Variants in IBTK observed in about 807,000 individuals in gnomAD.
IBTK encodes the protein inhibitor of Bruton tyrosine kinase.
Under a neutral mutation model 154.9 loss-of-function variants are expected in IBTK, and 83 were observed. The observed-to-expected ratio is 0.54, with a 90% CI of 0.45 to 0.64. The LOEUF (loss-of-function observed/expected upper bound fraction) is 0.64. Among genes scored for constraint, IBTK ranks in the 30% least tolerant of loss-of-function variants. The probability of loss-of-function intolerance (pLI) is 0.00; values close to 1 mark genes in which losing one functional copy is unlikely to be tolerated. For synonymous variants in IBTK, 515 were observed against 536.1 expected, an observed-to-expected ratio of 0.96 and a Z score of 0.54; for missense variants, 1,332 against 1,584.6, an observed-to-expected ratio of 0.84 and a Z score of 2.71.
chr6:82,194,418 T>C, intron 23 of IBTK, 61 bp downstream of exon 23: 3 of 1,080,794 alleles, frequency 2.8e-6, no homozygotes, highest in Non-Finnish European at 1.3e-6. Context: ...AAAATTAAAT[T>C]GCATTAAAAA....
chr6:82,211,614 C>G, intron 13 of IBTK, 42 bp from the exon 14 acceptor site: 1 of 1,486,776 alleles, frequency 6.7e-7, no homozygotes, highest in Non-Finnish European at 9.4e-7. Flanking sequence ...AATTTCTTTA[C>G]ATATTTAGTG....
chr6:82,202,127 G>A lies in IBTK; in HGVS notation c.2729+401C>T, dbSNP rs571935992. Among the ~76,000 whole-genome samples, 9 of 152,084 alleles carry A rather than the reference G, an allele frequency of 5.9e-5. No individual in the cohort carries two copies. The East Asian group carries it at 7.7e-4, about 13-fold the overall frequency. On this transcript the variant is annotated intron_variant, in intron 18 of 28. Coordinates refer to ENST00000306270, the MANE Select transcript of IBTK (RefSeq NM_015525.4). Reference sequence around the variant, plus strand: ...ATCTATGTAATGCTTTTAGAACACCGTCTAGCACATAGTTAATAGTCATTA... The same window carrying A: ...ATCTATGTAATGCTTTTAGAACACCATCTAGCACATAGTTAATAGTCATTA...
intron 16 of IBTK, among the ~76,000 whole-genome samples, chr6:82,208,868 T>C (rs1282437234): frequency 6.6e-6 from 1 of 151,950 alleles, no homozygotes; most frequent in Non-Finnish European, 1.5e-5. Context: ...ATCCAGAATA[T>C]ATAAAGAACT....
In IBTK at chr6:82,171,388, C is replaced by G. The variant is rs1376578229; in HGVS notation, c.*37G>C. On this transcript the variant is annotated 3_prime_UTR_variant, in exon 29 of 29. Transcript: ENST00000306270. ...CAGCTTTTCTTTATATGAACAAACTCATAATTATGTAAAATGCATCTCAAC... is the reference window on the plus strand; with the variant it reads ...CAGCTTTTCTTTATATGAACAAACTGATAATTATGTAAAATGCATCTCAAC... 7 of 1,575,580 alleles carry G rather than the reference C, an allele frequency of 4.4e-6. No homozygotes were observed. In the African/African-American group the frequency reaches 9.5e-5, roughly 21 times the overall value.
intron 16 of IBTK, among the ~76,000 whole-genome samples, chr6:82,207,324 T>A (rs779558367): frequency 3.3e-5 from 5 of 152,094 alleles, no homozygotes; most frequent in Non-Finnish European, 7.4e-5. Context: ...ATTAAAAAAA[T>A]TTCCATTTAA....
intron 26 of IBTK, among the ~76,000 whole-genome samples, chr6:82,175,943 C>T (rs1160415257): frequency 6.6e-6 from 1 of 151,800 alleles, no homozygotes; most frequent in Non-Finnish European, 1.5e-5. Context: ...GCAGGAGAAT[C>T]GCTTGAACCC....
chr6:82,234,216 A>G lies in IBTK; in HGVS notation c.361T>C (p.Ser121Pro). ...TCCTTCATTACAAGATCCAAAGCTG[A>G]CAAGCCTTCTTTATCTTGAATATAC... ...SLYIQDKEGL[S>P]ALDLVMKDRP... is the part of the protein sequence containing the mutation. The change falls in exon 3 of 29, where the codon TCA (serine) becomes CCA (proline). Residue 121 changes from serine to proline, a missense_variant. Coordinates refer to ENST00000306270, the MANE Select transcript of IBTK (RefSeq NM_015525.4). The G allele has an allele frequency of 1.9e-6, 3 of 1,604,642 alleles. No individual in the cohort carries two copies. Among genetic ancestry groups the G allele is most frequent in the Non-Finnish European group, 2.6e-6 (3 of 1,173,634 alleles).
At chr6:82,220,536 G>A in intron 9 of IBTK, 54 bp downstream of exon 9, 1 of 1,524,316 alleles carries the variant, frequency 6.6e-7, no homozygotes. Flanking sequence ...TACCAGGTCT[G>A]CTACAGCTAT....
intron 25 of IBTK, among the ~76,000 whole-genome samples, chr6:82,188,869 A>C (rs372112860): frequency 6.6e-6 from 1 of 152,212 alleles, no homozygotes; most frequent in South Asian, 2.1e-4. Flanking sequence ...GTTTCTACTA[A>C]AAATACAAAA....
At position 82,191,127 on chromosome 6, in the gene IBTK, C is replaced by T. The variant is rs1376517744; in HGVS notation, c.3521G>A (p.Ser1174Asn). Residue 1174 changes from serine (S) to asparagine (N), a missense_variant, in exon 25 of 29, where the codon AGC (serine) becomes AAC (asparagine). Physicochemically the swap from Ser to Asn is conservative, Grantham distance 46. Coordinates refer to ENST00000306270, the MANE Select transcript of IBTK (RefSeq NM_015525.4). Reference sequence around the variant, plus strand: ...AGGAGTGAATAAAACTGTTTCCATGCTATTCATTCCTGAATTGTTTTCCTT... The same window carrying T: ...AGGAGTGAATAAAACTGTTTCCATGTTATTCATTCCTGAATTGTTTTCCTT... ...TTKENNSGMNSMETVLFTPSK... is the reference protein window; with the variant it reads ...TTKENNSGMNNMETVLFTPSK... 1 of 1,605,746 alleles carries T rather than the reference C, an allele frequency of 6.2e-7. No individual in the cohort carries two copies. The highest frequency in any genetic ancestry group is 8.5e-7 in the Non-Finnish European group (1 of 1,175,202).
chr6:82,203,093 ATTGAG>A (rs145599403), intron 17 of IBTK, among the ~76,000 whole-genome samples: 35,989 of 151,786 alleles, frequency 0.24, 4,268 homozygotes, highest in African/African-American at 0.28. Flanking sequence ...TATAAAATAT[ATTGAG>A]TTATCTATCA....
chr6:82,240,577 T>C lies in IBTK; in HGVS notation c.-91A>G. 2 of 1,000,616 alleles carry C rather than the reference T, an allele frequency of 2.0e-6. No individual in the cohort carries two copies. Among genetic ancestry groups the C allele is most frequent in the African/African-American group, 1.6e-5 (1 of 62,146 alleles). 62.0% of individuals were successfully genotyped at this position (1,000,616 alleles called of 1,614,324 possible). ...GGACACAAAGGTGCTATTGAGGAAGTTACAGAGAATAAATTACCTTTTTAG... is the reference window on the plus strand; with the variant it reads ...GGACACAAAGGTGCTATTGAGGAAGCTACAGAGAATAAATTACCTTTTTAG... On this transcript the variant is annotated 5_prime_UTR_variant, in exon 2 of 29. Transcript: ENST00000306270.
chr6:82,234,021 G>A (rs1432988759), intron 3 of IBTK, 138 bp downstream of exon 3: 4 of 412,880 alleles, frequency 9.7e-6, no homozygotes, highest in Admixed American at 4.0e-5. Context: ...GAGCCGCAGC[G>A]CCCAGCCCAT....
At chr6:82,247,165 C>T (rs563065557) in intron 1 of IBTK, among the ~76,000 whole-genome samples, 45 of 152,312 alleles carry the variant, frequency 3.0e-4, no homozygotes, top group African/African-American at 1.1e-3. Flanking sequence ...CCAGGGTGGA[C>T]TCAAACTTGT....
At chr6:82,174,849 G>C (rs1768053250) in intron 26 of IBTK, 2 of 391,804 alleles carry the variant, frequency 5.1e-6, no homozygotes, top group African/African-American at 2.1e-5. Flanking sequence ...ACAAAAATCT[G>C]GTCTTTTTGA....
intron 25 of IBTK, among the ~76,000 whole-genome samples, chr6:82,183,654 G>A (rs1768400468): frequency 6.6e-6 from 1 of 152,056 alleles, no homozygotes; most frequent in Non-Finnish European, 1.5e-5. Context: ...AAATATCCCA[G>A]ATTAGCCAAA....
At chr6:82,227,363 A>C in intron 4 of IBTK, 61 bp from the exon 5 acceptor site, 1 of 965,604 alleles carries the variant, frequency 1.0e-6, no homozygotes, top group Non-Finnish European at 1.5e-6. Flanking sequence ...TTATTTTATG[A>C]AAAAGAAATA....
At chr6:82,189,227 T>C (rs925446463) in intron 25 of IBTK, among the ~76,000 whole-genome samples, 8 of 151,822 alleles carry the variant, frequency 5.3e-5, no homozygotes, top group Non-Finnish European at 1.0e-4. Flanking sequence ...AAAAAAGACC[T>C]ACATTATGAT....
intron 15 of IBTK, 26 bp from the exon 16 acceptor site, chr6:82,210,936 TA>T: frequency 1.5e-6 from 2 of 1,298,614 alleles, no homozygotes; most frequent in Non-Finnish European, 2.1e-6. Flanking sequence ...CAAAATAAAG[TA>T]AAATAATTCA....
Sources: allele counts gnomAD v4.1 joint callset (sites outside exome capture counted in the v4.1 genomes callset), GRCh38; gene constraint gnomAD v4.1.1; transcripts MANE v1.5; gene names NCBI Gene and HGNC (gene_info 2026-07-23, HGNC 2026-07-21).